Variants in DHX8 observed in about 807,000 individuals in gnomAD.
The protein encoded by DHX8 is ATP-dependent RNA helicase DHX8.
In DHX8, 67 loss-of-function variants were observed where a neutral mutation model predicts 140.7. The ratio of observed to expected loss-of-function variants is 0.48; its 90% CI spans 0.39 to 0.58. The LOEUF is 0.58. Among genes scored for constraint, DHX8 ranks in the 20% least tolerant of loss-of-function variants. DHX8 has a pLI of 0.00. For synonymous variants in DHX8, 533 were observed against 553.2 expected, an observed-to-expected ratio of 0.96 and a Z score of 0.51; for missense variants, 887 against 1,550.7, an observed-to-expected ratio of 0.57 and a Z score of 7.19.
At chr17:43,484,288 G>A (rs1356651699) in intron 1 of DHX8, 103 bp downstream of exon 1, 4 of 1,343,728 alleles carry the variant, frequency 3.0e-6, no homozygotes, top group African/African-American at 2.9e-5. Flanking sequence ...GTATGTTCGT[G>A]TGAATCTGTC....
At chr17:43,526,250 G>C, downstream of DHX8, 1 of 1,288,508 alleles carries the variant, frequency 7.8e-7, no homozygotes, top group Non-Finnish European at 9.9e-7. Context: ...GCCCAGGAGA[G>C]GATGTGGGTC....
At position 43,511,475 on chromosome 17, in the gene DHX8, T is replaced by TTTTTTTTTTTTTTA. The variant is rs1969830286; in HGVS notation, c.2503-1887_2503-1886insTTTTTTTTTTTTTA. Among the ~76,000 whole-genome samples the TTTTTTTTTTTTTTA allele has an allele frequency of 2.1e-5, 3 of 140,808 alleles. 1 individual carries two copies. Among genetic ancestry groups the TTTTTTTTTTTTTTA allele is most frequent in the Non-Finnish European group, 1.5e-5 (1 of 65,294 alleles). The allele number at this position is 140,808 out of a possible 152,430, so 92.4% of individuals were successfully genotyped here. ...CCCAGCATTTTTTTTTTTTTTTTTT[T>TTTTTTTTTTTTTTA]GAGACAGAGTCTTTCTCTGTCATCC... On this transcript the variant is annotated intron_variant, in intron 16 of 22. Transcript: ENST00000262415.
At chr17:43,543,555 G>A (rs1040468525) in intron 3 of DHX8, among the ~76,000 whole-genome samples, 2 of 152,178 alleles carry the variant, frequency 1.3e-5, no homozygotes, top group Non-Finnish European at 2.9e-5. Context: ...GTGAGCCAGA[G>A]AGAAATCAGG....
chr17:43,496,084 C>A, intron 8 of DHX8, 97 bp from the exon 9 acceptor site: 1 of 874,502 alleles, frequency 1.1e-6, no homozygotes, highest in Non-Finnish European at 1.8e-6. Flanking sequence ...GGTGACAGAG[C>A]AAGATCCTGT....
Position 43,508,358 on chromosome 17 carries a change from G to A in DHX8, c.2340G>A (p.Leu780=). 1.2e-6 allele frequency: 2 copies of A among 1,612,496 alleles called. No homozygotes were observed. The highest frequency in any genetic ancestry group is 1.7e-6 in the Non-Finnish European group (2 of 1,178,940). The change falls in exon 16 of 23, where the codon CTG becomes CTA. Residue 780 remains leucine (L), a synonymous_variant. Transcript: ENST00000262415. Reference sequence around the variant, plus strand: ...TCGTAGGTGATATCCTGGTCTTCCTGACTGGTCAGGAAGAAATTGATACTG... The same window carrying A: ...TCGTAGGTGATATCCTGGTCTTCCTAACTGGTCAGGAAGAAATTGATACTG... The part of the protein sequence containing the change: ...TEPPGDILVF[L]TGQEEIDTAC...
chr17:43,529,451 C>G, downstream of DHX8: 1 of 1,567,438 alleles, frequency 6.4e-7, no homozygotes, highest in South Asian at 1.2e-5. Flanking sequence ...GGTTCTCCCA[C>G]CTCCAGGCTG....
intron 18 of DHX8, 86 bp from the exon 19 acceptor site, chr17:43,520,044 G>A (rs953910806): frequency 6.6e-7 from 1 of 1,513,916 alleles, no homozygotes; most frequent in African/African-American, 1.4e-5. Context: ...GAAGAAATGG[G>A]AAATAAAGTA....
chr17:43,494,938 A>G (rs1968767890), intron 8 of DHX8, among the ~76,000 whole-genome samples: 2 of 149,962 alleles, frequency 1.3e-5, no homozygotes, highest in Admixed American at 1.3e-4. Flanking sequence ...CAGCCTCCCG[A>G]GTAGCTGGGA....
chr17:43,523,899 T>G lies in DHX8; in HGVS notation c.*52T>G. On this transcript the variant is annotated 3_prime_UTR_variant, in exon 23 of 23. Transcript: ENST00000262415. ...CAGCAGCAGTAGCCAGGGCTTGGAC[T>G]TATCGATGACAGGCTGGTCCTGAGG... 6.2e-7 allele frequency: 1 copy of G among 1,607,136 alleles called. No individual in the cohort carries two copies. Among genetic ancestry groups the G allele is most frequent in the Non-Finnish European group, 8.5e-7 (1 of 1,176,168 alleles).
At position 43,522,165 on chromosome 17, in the gene DHX8, A is replaced by C; in HGVS notation, c.3382A>C (p.Ile1128Leu). Residue 1128 changes from isoleucine (I) to leucine (L), a missense_variant, in exon 22 of 23, where the codon ATC (isoleucine) becomes CTC (leucine). Coordinates refer to ENST00000262415, the MANE Select transcript of DHX8 (RefSeq NM_004941.3). ...CCCGCAGGAGGGTTACCGGACACTGATCGACCAGCAGGTGGTCTATATCCA... is the reference window on the plus strand; with the variant it reads ...CCCGCAGGAGGGTTACCGGACACTGCTCGACCAGCAGGTGGTCTATATCCA... ...KDPQEGYRTL[I>L]DQQVVYIHPS... 2 of 1,614,098 alleles carry C rather than the reference A, an allele frequency of 1.2e-6. No individual in the cohort carries two copies. The highest frequency in any genetic ancestry group is 2.7e-5 in the African/African-American group (2 of 75,044).
chr17:43,527,886 G>A (rs1970665354), downstream of DHX8: 1 of 232,288 alleles, frequency 4.3e-6, no homozygotes, highest in African/African-American at 2.2e-5. Flanking sequence ...GGCAGATGTG[G>A]TGGAGGTGGA....
intron 16 of DHX8, among the ~76,000 whole-genome samples, chr17:43,510,267 C>T (rs1034501437): frequency 1.2e-4 from 18 of 152,076 alleles, no homozygotes; most frequent in East Asian, 3.9e-4. Context: ...AGGCTGGTCT[C>T]GAACTCCTGA....
In DHX8 at chr17:43,508,354, T is replaced by C; in HGVS notation, c.2336T>C (p.Phe779Ser). 1 of 1,612,724 alleles carries C rather than the reference T, an allele frequency of 6.2e-7. No homozygotes were observed. Among genetic ancestry groups the C allele is most frequent in the Non-Finnish European group, 8.5e-7 (1 of 1,179,052 alleles). ...LTEPPGDILVFLTGQEEIDTA... is the reference protein window; with the variant it reads ...LTEPPGDILVSLTGQEEIDTA... ...CTGCTCGTAGGTGATATCCTGGTCTTCCTGACTGGTCAGGAAGAAATTGAT... is the reference window on the plus strand; with the variant it reads ...CTGCTCGTAGGTGATATCCTGGTCTCCCTGACTGGTCAGGAAGAAATTGAT... Residue 779 changes from phenylalanine to serine, a missense_variant, in exon 16 of 23, where the codon TTC becomes TCC. Phe to Ser is a radical substitution (Grantham distance 155). This residue lies in a region of DHX8 where 151 missense variants were observed against 388.3 expected (regional missense o/e 0.39). Transcript: ENST00000262415.
chr17:43,506,883 T>C, intron 12 of DHX8, 120 bp from the exon 13 acceptor site: 1 of 689,958 alleles, frequency 1.4e-6, no homozygotes, highest in Non-Finnish European at 2.2e-6. Context: ...TGTTAGAATA[T>C]AGTAATTATT....
At chr17:43,487,443 C>T (rs1275440449) in intron 1 of DHX8, among the ~76,000 whole-genome samples, 1 of 152,070 alleles carries the variant, frequency 6.6e-6, no homozygotes, top group African/African-American at 2.4e-5. Flanking sequence ...TTTTGTGGGT[C>T]TCATAGTATG....
Position 43,513,463 on chromosome 17 carries a change from G to A in DHX8, c.2604G>A (p.Lys868=). The A allele has an allele frequency of 6.2e-7, 1 of 1,613,964 alleles. No individual in the cohort carries two copies. The highest frequency in any genetic ancestry group is 8.5e-7 in the Non-Finnish European group (1 of 1,179,942). ...GFVKQKVYNS[K]TGIDQLVVTP... ...TGAAACAGAAAGTTTACAATTCCAA[G>A]ACAGGGATTGACCAGCTCGTGGTGA... The change falls in exon 17 of 23, where the codon AAG becomes AAA. Residue 868 remains lysine, a synonymous_variant. Coordinates refer to ENST00000262415, the MANE Select transcript of DHX8 (RefSeq NM_004941.3).
At chr17:43,512,993 C>T (rs1415392994) in intron 16 of DHX8, among the ~76,000 whole-genome samples, 2 of 152,112 alleles carry the variant, frequency 1.3e-5, no homozygotes, top group South Asian at 2.1e-4. Context: ...TGCATTGGCA[C>T]ATGTGATGCC....
intron 1 of DHX8, among the ~76,000 whole-genome samples, chr17:43,487,583 G>A: frequency 6.6e-6 from 1 of 152,054 alleles, no homozygotes; most frequent in East Asian, 1.9e-4. Flanking sequence ...TTAACTCCTG[G>A]GCTCGAGCAA....
intron 3 of DHX8, among the ~76,000 whole-genome samples, chr17:43,543,664 C>T (rs559558426): frequency 1.3e-4 from 20 of 152,258 alleles, no homozygotes; most frequent in Middle Eastern, 3.4e-3. Flanking sequence ...GATGGGGAGA[C>T]GGGGCAAAGC....
Sources: allele counts gnomAD v4.1 joint callset (sites outside exome capture counted in the v4.1 genomes callset), GRCh38; gene constraint gnomAD v4.1.1; regional missense constraint gnomAD v4.1.1; transcripts MANE v1.5; gene names NCBI Gene and HGNC (gene_info 2026-07-23, HGNC 2026-07-21).